Variants in NELL2 observed in about 807,000 individuals in gnomAD.
NELL2 encodes neural EGFL like 2.
NELL2 carries 41 observed loss-of-function variants against 109.6 expected under a neutral mutation model. That is an observed-to-expected ratio of 0.37 (90% CI 0.29 to 0.49). NELL2 has a LOEUF of 0.49. NELL2 is among the 20% of genes least tolerant of loss of function. NELL2 has a pLI of 0.98. For synonymous variants in NELL2, 355 were observed against 344.7 expected, an observed-to-expected ratio of 1.03 and a Z score of -0.33; for missense variants, 900 against 1,008.3, an observed-to-expected ratio of 0.89 and a Z score of 1.45.
At chr12:44,745,557 G>A (rs538669443) in intron 9 of NELL2, among the ~76,000 whole-genome samples, 11 of 152,216 alleles carry the variant, frequency 7.2e-5, no homozygotes, top group Admixed American at 2.0e-4. Flanking sequence ...AAACCCAATC[G>A]TCTCAGCCCA....
At chr12:44,741,697 C>T (rs1050059409) in intron 9 of NELL2, among the ~76,000 whole-genome samples, 7 of 152,216 alleles carry the variant, frequency 4.6e-5, no homozygotes, top group African/African-American at 1.2e-4. Context: ...CACAGAGTCT[C>T]GCTCATTACT....
intron 15 of NELL2, among the ~76,000 whole-genome samples, chr12:44,575,604 T>C (rs760853793): frequency 3.9e-5 from 6 of 152,202 alleles, no homozygotes; most frequent in Non-Finnish European, 7.3e-5. Flanking sequence ...AGTGAAACTG[T>C]AGGGGATGTG....
chr12:44,670,250 T>C (rs913456289), intron 12 of NELL2, among the ~76,000 whole-genome samples: 4 of 152,112 alleles, frequency 2.6e-5, no homozygotes, highest in African/African-American at 7.2e-5. Context: ...AAGGTAATCC[T>C]ATATCTGAAA....
chr12:44,683,816 G>A (rs1948615816), intron 12 of NELL2, among the ~76,000 whole-genome samples: 1 of 152,144 alleles, frequency 6.6e-6, no homozygotes, highest in Admixed American at 6.5e-5. Flanking sequence ...GCTGGATTGG[G>A]TTTGCCAGTA....
intron 13 of NELL2, among the ~76,000 whole-genome samples, chr12:44,612,816 C>T (rs1405420841): frequency 5.3e-5 from 8 of 151,950 alleles, no homozygotes; most frequent in African/African-American, 1.9e-4. Flanking sequence ...TTAATCCCTG[C>T]CTTGGTTGTC....
chr12:44,892,931 A>T (rs1478725783), intron 1 of NELL2, among the ~76,000 whole-genome samples: 1 of 152,210 alleles, frequency 6.6e-6, no homozygotes, highest in Non-Finnish European at 1.5e-5. Flanking sequence ...ATTAAAAAAA[A>T]TCATAATCCT....
chr12:44,650,452 C>T (rs1348493698), intron 13 of NELL2, among the ~76,000 whole-genome samples: 3 of 151,950 alleles, frequency 2.0e-5, no homozygotes, highest in Admixed American at 6.6e-5. Flanking sequence ...CCTGCCACCA[C>T]GCCTGGCTAA....
At chr12:44,617,624 G>A (rs1315355695) in intron 13 of NELL2, among the ~76,000 whole-genome samples, 4 of 96,812 alleles carry the variant, frequency 4.1e-5, no homozygotes, top group African/African-American at 6.9e-5. Flanking sequence ...CCTGGGAGGC[G>A]GAGCTTGCAG....
chr12:44,711,742 A>G (rs2136435918), intron 10 of NELL2, among the ~76,000 whole-genome samples: 1 of 152,128 alleles, frequency 6.6e-6, no homozygotes, highest in East Asian at 1.9e-4. Context: ...GAATTATATC[A>G]ACAGCTTTTG....
At chr12:44,902,275 A>C (rs1945669439) in intron 1 of NELL2, among the ~76,000 whole-genome samples, 1 of 152,164 alleles carries the variant, frequency 6.6e-6, no homozygotes, top group Non-Finnish European at 1.5e-5. Flanking sequence ...ATAGAGACCT[A>C]AATCATGAGT....
chr12:44,567,249 C>T (rs1323869737), intron 15 of NELL2, among the ~76,000 whole-genome samples: 1 of 152,182 alleles, frequency 6.6e-6, no homozygotes, highest in East Asian at 1.9e-4. Context: ...TTTCTCAATA[C>T]TATTTCCTTT....
At chr12:44,871,903 T>C (rs1000199266) in intron 2 of NELL2, among the ~76,000 whole-genome samples, 2 of 152,210 alleles carry the variant, frequency 1.3e-5, no homozygotes, top group African/African-American at 2.4e-5. Context: ...AATGAGATTA[T>C]AAAATCTGTT....
At chr12:44,673,178 T>G (rs1436621089) in intron 12 of NELL2, among the ~76,000 whole-genome samples, 1 of 152,058 alleles carries the variant, frequency 6.6e-6, no homozygotes, top group African/African-American at 2.4e-5. Flanking sequence ...CCCCAAAGAG[T>G]TGCGTTTATG....
At chr12:44,534,303 T>C (rs1942207815) in intron 15 of NELL2, among the ~76,000 whole-genome samples, 1 of 152,114 alleles carries the variant, frequency 6.6e-6, no homozygotes. Flanking sequence ...AGCATCCTCT[T>C]AGATTATTAG....
intron 16 of NELL2, 113 bp downstream of exon 16, chr12:44,532,468 A>G (rs1565882893): frequency 2.0e-6 from 2 of 1,004,136 alleles, no homozygotes; most frequent in Non-Finnish European, 2.9e-6. Flanking sequence ...ACTGTTGTAT[A>G]CACATATAGT....
intron 3 of NELL2, among the ~76,000 whole-genome samples, chr12:44,788,089 G>T (rs947263552): frequency 2.6e-5 from 4 of 151,964 alleles, no homozygotes; most frequent in African/African-American, 4.8e-5. Context: ...GAATATAAAA[G>T]AACTCTCAAA....
intron 13 of NELL2, among the ~76,000 whole-genome samples, chr12:44,640,532 T>C (rs1057111228): frequency 3.3e-5 from 5 of 152,200 alleles, no homozygotes; most frequent in East Asian, 1.9e-4. Flanking sequence ...TTAAAATCAA[T>C]ATGCATGTGA....
intron 12 of NELL2, among the ~76,000 whole-genome samples, chr12:44,669,946 C>T (rs1019967701): frequency 7.2e-5 from 11 of 152,104 alleles, no homozygotes; most frequent in Non-Finnish European, 1.2e-4. Flanking sequence ...ATTCAAGGCA[C>T]GTTATAGTAA....
At chr12:44,875,432 A>C in intron 1 of NELL2, 79 bp from the exon 2 acceptor site, 2 of 1,613,978 alleles carry the variant, frequency 1.2e-6, no homozygotes, top group Admixed American at 1.7e-5. Context: ...AGGGCAGCAA[A>C]GAACCGCGTT....
Sources: allele counts gnomAD v4.1 joint callset (sites outside exome capture counted in the v4.1 genomes callset), GRCh38; gene constraint gnomAD v4.1.1; transcripts MANE v1.5; gene names NCBI Gene and HGNC (gene_info 2026-07-23, HGNC 2026-07-21).